The following DNAH14 variants were observed in gnomAD, a reference collection of about 807,000 sequenced individuals.
The protein encoded by DNAH14 is dynein axonemal heavy chain 14.
A neutral mutation model predicts 520.9 loss-of-function variants in DNAH14; 478 were observed. The observed-to-expected ratio is 0.92, with a 90% CI of 0.85 to 0.99. The LOEUF (loss-of-function observed/expected upper bound fraction) is 0.99, where lower values mean the gene tolerates loss of function less well. DNAH14 is among the 50% of genes least tolerant of loss of function. The pLI is 0.00. For missense variants in DNAH14, 4,831 were observed against 5,234.5 expected (o/e 0.92, Z 2.38); for synonymous variants, 1,581 against 1,757.2 (o/e 0.90, Z 2.51).
At chr1:225,119,503 GTGTAACTGTCAGTTTGAGAGTGTTTACA>G (rs1559017874) in intron 26 of DNAH14, among the ~76,000 whole-genome samples, 12 of 152,258 alleles carry the variant, frequency 7.9e-5, no homozygotes, top group Admixed American at 7.9e-4. Context: ...CACTTTTACA[GTGTAACTGTCAGTTTGAGAGTGTTTACA>G]TGCACAACCT....
At chr1:225,191,701 G>T (rs959303429) in intron 37 of DNAH14, among the ~76,000 whole-genome samples, 1 of 151,648 alleles carries the variant, frequency 6.6e-6, no homozygotes, top group South Asian at 2.1e-4. Context: ...ATGCTTTATG[G>T]TATTCCATAG....
chr1:225,256,783 T>G (rs1471353805), intron 44 of DNAH14, among the ~76,000 whole-genome samples: 1 of 151,996 alleles, frequency 6.6e-6, no homozygotes, highest in Non-Finnish European at 1.5e-5. Flanking sequence ...ATTAGCTCAG[T>G]CAAATATAAT....
intron 54 of DNAH14, among the ~76,000 whole-genome samples, chr1:225,284,879 C>A (rs1407400037): frequency 2.0e-5 from 3 of 152,000 alleles, no homozygotes; most frequent in Non-Finnish European, 4.4e-5. Flanking sequence ...GAATTAAAAG[C>A]AAAAACCACA....
intron 1 of DNAH14, 104 bp from the exon 2 acceptor site, chr1:224,952,566 G>T (rs2060247041): frequency 1.8e-6 from 1 of 546,050 alleles, no homozygotes; most frequent in Non-Finnish European, 3.1e-6. Flanking sequence ...ATTATATTAA[G>T]CCTATTGAGA....
Position 225,367,857 on chromosome 1 carries a change from G to A in DNAH14, c.12143G>A (p.Gly4048Glu). Residue 4048 changes from glycine to glutamate, a missense_variant, in exon 77 of 86, where the codon GGA (glycine) becomes GAA (glutamate). Transcript: ENST00000682510. ...GLKSNLLQTF[G>E]CTGSGEVTEE... ...AAAAGTAACTTACTTCAGACATTTG[G>A]ATGTACTGGGAGTGGAGAGGTAACA... 3 of 1,551,580 alleles carry A rather than the reference G, an allele frequency of 1.9e-6. No individual in the cohort carries two copies. Among genetic ancestry groups the A allele is most frequent in the Non-Finnish European group, 2.6e-6 (3 of 1,146,880 alleles).
At chr1:225,163,137 C>CAA (rs34356854) in intron 35 of DNAH14, among the ~76,000 whole-genome samples, 4,572 of 53,272 alleles carry the variant, frequency 0.086, 253 homozygotes, top group East Asian at 0.21. Flanking sequence ...GACCCTATCT[C>CAA]AAAAAAAAAA....
intron 76 of DNAH14, among the ~76,000 whole-genome samples, chr1:225,366,897 A>G (rs1413345356): frequency 2.0e-5 from 3 of 152,032 alleles, no homozygotes; most frequent in African/African-American, 7.2e-5. Context: ...TTTGCCAGCC[A>G]TTCTGTAAGC....
chr1:225,266,739 A>C lies in DNAH14; in HGVS notation c.7509A>C (p.Gly2503=). 6.6e-7 allele frequency: 1 copy of C among 1,523,574 alleles called. No individual in the cohort carries two copies. 94.4% of individuals were successfully genotyped at this position (1,523,574 alleles called of 1,614,324 possible). A position where few individuals can be genotyped will look rare whatever the true frequency, so the allele number is the denominator to read the frequency against. The change falls in exon 49 of 86, where the codon GGA becomes GGC. Residue 2503 remains glycine (G), a synonymous_variant. Transcript: ENST00000682510. ...ELIRQLLDLG[G]VYDTEKNTWK... is the part of the protein sequence containing the mutation. ...TAAGACAATTGTTAGATTTGGGAGG[A>C]GTTTATGATACTGAAAAAAATACAT...
Position 225,381,440 on chromosome 1 carries a change from G to T in DNAH14, c.12938G>T (p.Arg4313Leu), listed in dbSNP as rs557640063. The change falls in exon 81 of 86, where the codon CGA becomes CTA. Residue 4313 changes from arginine (R) to leucine (L), a missense_variant. Transcript: ENST00000682510. The part of the protein sequence containing the change: ...LLTFLKQEIK[R>L]FDKLLFVIHK... ...ACCTTTTTGAAGCAAGAAATTAAAC[G>T]ATTTGATAAGTTATTATTTGTCATA... The T allele has an allele frequency of 1.2e-5, 19 of 1,550,436 alleles. No individual in the cohort carries two copies. The highest frequency in any genetic ancestry group is 1.7e-5 in the Non-Finnish European group (19 of 1,146,804).
chr1:225,081,259 CT>C (rs1443124077), intron 19 of DNAH14, among the ~76,000 whole-genome samples: 1 of 152,106 alleles, frequency 6.6e-6, no homozygotes, highest in Non-Finnish European at 1.5e-5. Flanking sequence ...AAGAGAATAT[CT>C]TTGCTTTTTT....
intron 62 of DNAH14, 109 bp downstream of exon 62, chr1:225,322,932 AG>A: frequency 4.4e-6 from 5 of 1,148,778 alleles, no homozygotes; most frequent in Non-Finnish European, 5.9e-6. Context: ...ACTATTTTCT[AG>A]GAAAATAGCT....
intron 36 of DNAH14, among the ~76,000 whole-genome samples, chr1:225,172,812 G>A (rs1433900771): frequency 3.9e-5 from 6 of 152,106 alleles, no homozygotes; most frequent in Non-Finnish European, 7.4e-5. Flanking sequence ...TCAATCCTAA[G>A]CCAAAAGAAC....
intron 27 of DNAH14, among the ~76,000 whole-genome samples, chr1:225,127,311 T>C (rs1158036561): frequency 3.3e-5 from 5 of 151,714 alleles, no homozygotes; most frequent in Admixed American, 6.6e-5. Flanking sequence ...AGTGGGGTGT[T>C]AAAGTCTCCC....
intron 8 of DNAH14, among the ~76,000 whole-genome samples, chr1:224,993,104 G>T (rs551785654): frequency 2.6e-5 from 4 of 152,130 alleles, no homozygotes; most frequent in Admixed American, 1.3e-4. Flanking sequence ...AATTTGGTTT[G>T]CTAGAATTTG....
intron 41 of DNAH14, among the ~76,000 whole-genome samples, chr1:225,228,470 CTGATAAT>C (rs1558091148): frequency 6.6e-6 from 1 of 151,876 alleles, no homozygotes; most frequent in East Asian, 1.9e-4. Context: ...TCTGGGGAAA[CTGATAAT>C]TTAACAGCAG....
chr1:225,354,454 G>A (rs1268414762), intron 73 of DNAH14, among the ~76,000 whole-genome samples: 1 of 152,042 alleles, frequency 6.6e-6, no homozygotes, highest in Admixed American at 6.6e-5. Flanking sequence ...GTATGCATGG[G>A]TGTCATTTAT....
At position 225,358,389 on chromosome 1, in the gene DNAH14, G is replaced by A. The variant is rs1442346136; in HGVS notation, c.11620-107G>A. ...CTTCCTCAACAGGAAAACTCTGGCT[G>A]AAAAGCTAAAAAATGAATACTTCTT... On this transcript the variant is annotated intron_variant, in intron 73 of 85. Transcript: ENST00000682510. 4.7e-6 allele frequency: 5 copies of A among 1,064,972 alleles called. No individual in the cohort carries two copies. In the Admixed American group the frequency reaches 1.2e-4, roughly 27 times the overall value. 66.0% of individuals were successfully genotyped at this position (1,064,972 alleles called of 1,614,324 possible).
intron 37 of DNAH14, among the ~76,000 whole-genome samples, chr1:225,191,064 TA>T (rs1318735188): frequency 1.3e-5 from 2 of 151,828 alleles, no homozygotes; most frequent in East Asian, 3.9e-4. Context: ...TTTATGCATT[TA>T]TTTTTTTAAT....
At position 225,050,192 on chromosome 1, in the gene DNAH14, T is replaced by C. The variant is rs1048736623; in HGVS notation, c.1913-18T>C. 1.3e-6 allele frequency: 2 copies of C among 1,520,734 alleles called. No homozygotes were observed. Among genetic ancestry groups the C allele is most frequent in the East Asian group, 2.5e-5 (1 of 40,544 alleles). 94.2% of individuals were successfully genotyped at this position (1,520,734 alleles called of 1,614,324 possible). On this transcript the variant is annotated intron_variant, in intron 15 of 85. Transcript: ENST00000682510. ...AATGGCATTTCTGAAGTACTGACTT[T>C]TAAATTATATATTTTAGCCACAATT...
Sources: gnomAD v4.1 joint callset for allele counts (sites outside exome capture counted in the v4.1 genomes callset) on GRCh38, gnomAD v4.1.1 for gene constraint, MANE v1.5 for transcripts, NCBI Gene and HGNC (gene_info 2026-07-23, HGNC 2026-07-21) for gene names.